ARHGEF37: variants seen among roughly 807,000 people sequenced by gnomAD.
ARHGEF37 encodes Rho guanine nucleotide exchange factor (GEF) 37.
Under a neutral mutation model 71.1 loss-of-function variants are expected in ARHGEF37, and 55 were observed. The observed-to-expected ratio is 0.77, with a 90% CI of 0.62 to 0.97. ARHGEF37 has a LOEUF of 0.97. Among genes scored for constraint, ARHGEF37 ranks in the 50% least tolerant of loss-of-function variants. ARHGEF37 has a pLI of 0.00. For synonymous variants in ARHGEF37, 327 were observed against 350.6 expected, an observed-to-expected ratio of 0.93 and a Z score of 0.75; for missense variants, 765 against 836.8, an observed-to-expected ratio of 0.91 and a Z score of 1.06.
In ARHGEF37 at chr5:149,605,571, G is replaced by A. The variant is rs529649896; in HGVS notation, c.311-3977G>A. Among the ~76,000 whole-genome samples the A allele has an allele frequency of 3.1e-3, 476 of 152,252 alleles. 1 individual carries two copies. The highest frequency in any genetic ancestry group is 4.9e-3 in the Non-Finnish European group (332 of 68,014). On this transcript the variant is annotated intron_variant, in intron 3 of 12. Coordinates refer to ENST00000333677, the MANE Select transcript of ARHGEF37 (RefSeq NM_001001669.3). Reference sequence around the variant, plus strand: ...GGTCTAGGTTACCGCAGGAGCTTTGGAATCTGACTAACAAGTCCCTGCCAC... The same window carrying A: ...GGTCTAGGTTACCGCAGGAGCTTTGAAATCTGACTAACAAGTCCCTGCCAC...
At chr5:149,618,480 G>A (rs1247931924) in intron 6 of ARHGEF37, among the ~76,000 whole-genome samples, 174 bp downstream of exon 6, 3 of 152,210 alleles carry the variant, frequency 2.0e-5, no homozygotes, top group Non-Finnish European at 4.4e-5. Context: ...AAGAGCCAGT[G>A]GAGGGGTTTC....
chr5:149,600,891 C>T (rs1763734911), intron 2 of ARHGEF37, among the ~76,000 whole-genome samples: 1 of 152,200 alleles, frequency 6.6e-6, no homozygotes, highest in African/African-American at 2.4e-5. Flanking sequence ...CCCGCCTCAT[C>T]TCCCCAACGT....
At chr5:149,562,203 A>C (rs768924442) in intron 1 of ARHGEF37, among the ~76,000 whole-genome samples, 12 of 152,224 alleles carry the variant, frequency 7.9e-5, no homozygotes, top group Non-Finnish European at 1.2e-4. Context: ...GGCGCTGAGT[A>C]GGGAAAAAAA....
At position 149,568,097 on chromosome 5, in the gene ARHGEF37, CTCTA is replaced by C. The variant is rs914310470; in HGVS notation, c.-12+15988_-12+15991del. Among the ~76,000 whole-genome samples, 447 of 151,738 alleles carry C rather than the reference CTCTA, an allele frequency of 2.9e-3. 3 individuals carry two copies. The highest frequency in any genetic ancestry group is 0.011 in the African/African-American group (436 of 41,394). ...AGTCAGAAACCTGATTCTTATTATC[CTCTA>C]TCTATCTATCTATGGTTCCAGTTAT... is the stretch of plus-strand genomic sequence containing the variant. On this transcript the variant is annotated intron_variant, in intron 1 of 2. Coordinates refer to the ARHGEF37 transcript ENST00000505810.
intron 12 of ARHGEF37, among the ~76,000 whole-genome samples, chr5:149,629,930 A>C (rs1469615376): frequency 6.6e-6 from 1 of 152,104 alleles, no homozygotes; most frequent in African/African-American, 2.4e-5. Flanking sequence ...TAAGTGAACA[A>C]AGTCAGATGC....
At chr5:149,582,589 T>C (rs1418340428) in intron 1 of ARHGEF37, among the ~76,000 whole-genome samples, 1 of 152,196 alleles carries the variant, frequency 6.6e-6, no homozygotes, top group East Asian at 1.9e-4. Context: ...TGCTGACGAT[T>C]ATAGGGTGAC....
upstream of ARHGEF37, among the ~76,000 whole-genome samples, chr5:149,580,955 T>A (rs1763092957): frequency 6.6e-6 from 1 of 152,196 alleles, no homozygotes; most frequent in Admixed American, 6.5e-5. Flanking sequence ...TTAACTGTTG[T>A]GTTCTCTGTG....
At chr5:149,576,522 C>T (rs1204159886), upstream of ARHGEF37, among the ~76,000 whole-genome samples, 2 of 152,178 alleles carry the variant, frequency 1.3e-5, no homozygotes, top group African/African-American at 2.4e-5. Context: ...AATTATTATA[C>T]ATTAGTAATG....
At position 149,621,934 on chromosome 5, in the gene ARHGEF37, G is replaced by A. The variant is rs1300991845; in HGVS notation, c.1207G>A (p.Val403Met). The part of the protein sequence containing the change: ...HTYQALNSLL[V>M]AELPQFNQLV... ...ATACCAGGCACTCAACTCGCTGCTA[G>A]TGGCTGAGCTCCCACAGTTTAACCA... The change falls in exon 9 of 13, where the codon GTG becomes ATG. Residue 403 changes from valine to methionine, a missense_variant. Transcript: ENST00000333677. 3 of 1,614,158 alleles carry A rather than the reference G, an allele frequency of 1.9e-6. No homozygotes were observed. The highest frequency in any genetic ancestry group is 2.5e-6 in the Non-Finnish European group (3 of 1,180,068).
At chr5:149,579,060 A>G (rs77796084), upstream of ARHGEF37, among the ~76,000 whole-genome samples, 2,457 of 152,298 alleles carry the variant, frequency 0.016, 238 homozygotes, top group East Asian at 0.3. Flanking sequence ...CCTATAATAC[A>G]GCAGCTGCCC....
At chr5:149,609,189 GAAACAAAA>G (rs764785317) in intron 3 of ARHGEF37, among the ~76,000 whole-genome samples, 5 of 149,802 alleles carry the variant, frequency 3.3e-5, no homozygotes, top group Admixed American at 2.6e-4. Context: ...TATCTCAAAA[GAAACAAAA>G]AAACAAAAAA....
intron 1 of ARHGEF37, among the ~76,000 whole-genome samples, chr5:149,552,341 G>A (rs982819250): frequency 3.2e-4 from 49 of 151,256 alleles, no homozygotes; most frequent in Non-Finnish European, 1.2e-4. Flanking sequence ...AAAACTACAC[G>A]GTAATTTTTT....
At chr5:149,596,669 G>A (rs961524933) in intron 1 of ARHGEF37, among the ~76,000 whole-genome samples, 7 of 152,186 alleles carry the variant, frequency 4.6e-5, no homozygotes, top group African/African-American at 1.7e-4. Flanking sequence ...AGTGCAGCTG[G>A]TGGGAGTGAG....
rs905844158 is a variant in ARHGEF37 at position 149,627,066 on chromosome 5, C to T, written c.1465-10C>T. ...AGCACTTGTGTCTGTCTGTGCTCCT[C>T]CTCTCCCAGCCGCTCCTTCCAGGGT... On this transcript the variant is annotated splice_polypyrimidine_tract_variant and intron_variant, in intron 10 of 12. Transcript: ENST00000333677. 1.9e-5 allele frequency: 30 copies of T among 1,605,124 alleles called. No homozygotes were observed. The highest frequency in any genetic ancestry group is 2.6e-5 in the Non-Finnish European group (30 of 1,174,822).
intron 4 of ARHGEF37, among the ~76,000 whole-genome samples, chr5:149,616,104 A>G (rs1014452029): frequency 6.6e-6 from 1 of 152,132 alleles, no homozygotes; most frequent in African/African-American, 2.4e-5. Flanking sequence ...GTTTAAAGCC[A>G]TAGGACCAAA....
chr5:149,588,242 A>T (rs1351366341), intron 1 of ARHGEF37, among the ~76,000 whole-genome samples: 1 of 151,212 alleles, frequency 6.6e-6, no homozygotes, highest in East Asian at 2.0e-4. Flanking sequence ...TTTGAGACAG[A>T]ATCTTGCTCT....
chr5:149,623,978 C>A, intron 9 of ARHGEF37, 34 bp from the exon 10 acceptor site: 1 of 1,570,042 alleles, frequency 6.4e-7, no homozygotes, highest in Non-Finnish European at 8.7e-7. Flanking sequence ...TCCCCTCTTG[C>A]CCAGCTCTGT....
At chr5:149,562,354 A>G (rs963234025) in intron 1 of ARHGEF37, among the ~76,000 whole-genome samples, 1 of 152,350 alleles carries the variant, frequency 6.6e-6, no homozygotes, top group African/African-American at 2.4e-5. Flanking sequence ...GGCCAGTATA[A>G]GAGCTAGGTA....
At chr5:149,561,951 G>C (rs1181923509) in intron 1 of ARHGEF37, among the ~76,000 whole-genome samples, 1 of 152,092 alleles carries the variant, frequency 6.6e-6, no homozygotes, top group Non-Finnish European at 1.5e-5. Flanking sequence ...TGTGCTCCTC[G>C]TGACTCATTA....
Sources: gnomAD v4.1 joint callset for allele counts (sites outside exome capture counted in the v4.1 genomes callset) on GRCh38, gnomAD v4.1.1 for gene constraint, MANE v1.5 for transcripts, NCBI Gene and HGNC (gene_info 2026-07-23, HGNC 2026-07-21) for gene names.